The following OSBPL8 variants were observed in gnomAD, a reference collection of about 807,000 sequenced individuals.
OSBPL8 encodes oxysterol-binding protein-related protein 8.
In OSBPL8, 59 loss-of-function variants were observed where a neutral mutation model predicts 125.5. That is an observed-to-expected ratio of 0.47 (90% CI 0.38 to 0.58). The LOEUF (loss-of-function observed/expected upper bound fraction) is 0.58. Ranked by LOEUF, OSBPL8 falls within the 20% of genes least tolerant of loss-of-function variation. OSBPL8 has a pLI of 0.00. For missense variants in OSBPL8, 758 were observed against 1,047.8 expected, an observed-to-expected ratio of 0.72 and a Z score of 3.82; for synonymous variants, 330 against 338.9, an observed-to-expected ratio of 0.97 and a Z score of 0.29.
chr12:76,454,871 A>T (rs1453324962), intron 3 of OSBPL8, among the ~76,000 whole-genome samples: 1 of 152,096 alleles, frequency 6.6e-6, no homozygotes, highest in South Asian at 2.1e-4. Flanking sequence ...AGACTTTTTA[A>T]AAAGCAAAGA....
chr12:76,416,794 C>T (rs1249948170), intron 4 of OSBPL8, among the ~76,000 whole-genome samples: 1 of 152,006 alleles, frequency 6.6e-6, no homozygotes, highest in Non-Finnish European at 1.5e-5. Context: ...TAATTGCTGA[C>T]TTACCTAGAT....
intron 5 of OSBPL8, among the ~76,000 whole-genome samples, chr12:76,404,632 A>G (rs1287077634): frequency 6.6e-5 from 10 of 152,186 alleles, no homozygotes; most frequent in Admixed American, 2.6e-4. Flanking sequence ...GACCTTTCTG[A>G]TGATCCACTT....
At chr12:76,483,708 CTT>C (rs1443207300) in intron 2 of OSBPL8, among the ~76,000 whole-genome samples, 3 of 96,254 alleles carry the variant, frequency 3.1e-5, no homozygotes, top group African/African-American at 8.1e-5. Flanking sequence ...GCATTTCACT[CTT>C]GTCACCCAGG....
intron 3 of OSBPL8, among the ~76,000 whole-genome samples, chr12:76,451,191 T>C (rs1434993953): frequency 1.3e-5 from 2 of 152,166 alleles, no homozygotes; most frequent in East Asian, 3.9e-4. Context: ...ACAGGTATGT[T>C]TGAGTCAAAT....
intron 22 of OSBPL8, among the ~76,000 whole-genome samples, chr12:76,358,267 T>C (rs1194400265): frequency 2.1e-5 from 3 of 144,896 alleles, no homozygotes; most frequent in South Asian, 2.4e-4. Context: ...GCATCTTCCA[T>C]CTCCGGGGTT....
chr12:76,442,005 GATT>G (rs931740173), intron 4 of OSBPL8, among the ~76,000 whole-genome samples: 1 of 152,100 alleles, frequency 6.6e-6, no homozygotes, highest in Non-Finnish European at 1.5e-5. Flanking sequence ...TCCATGATGT[GATT>G]ATTAGGCATT....
intron 3 of OSBPL8, among the ~76,000 whole-genome samples, chr12:76,458,214 C>T (rs1183785095): frequency 6.6e-6 from 1 of 152,106 alleles, no homozygotes; most frequent in African/African-American, 2.4e-5. Context: ...GTTGTGGCTG[C>T]AGTAAGCTGT....
intron 3 of OSBPL8, among the ~76,000 whole-genome samples, chr12:76,452,545 C>G (rs1246281655): frequency 6.6e-6 from 1 of 152,190 alleles, no homozygotes; most frequent in African/African-American, 2.4e-5. Flanking sequence ...CACTACTCCC[C>G]TCCCACTACT....
At chr12:76,388,560 T>C (rs1953420213) in intron 12 of OSBPL8, among the ~76,000 whole-genome samples, 1 of 152,204 alleles carries the variant, frequency 6.6e-6, no homozygotes, top group Admixed American at 6.5e-5. Flanking sequence ...AGAACGAGGA[T>C]ATAAAAGCTT....
At chr12:76,462,873 A>C (rs181527493) in intron 2 of OSBPL8, among the ~76,000 whole-genome samples, 114 of 152,310 alleles carry the variant, frequency 7.5e-4, no homozygotes, top group Non-Finnish European at 1.3e-4. Flanking sequence ...TGGAATGTTT[A>C]TGGAAGAGCA....
At chr12:76,442,924 G>T (rs1342398108) in intron 4 of OSBPL8, among the ~76,000 whole-genome samples, 1 of 152,142 alleles carries the variant, frequency 6.6e-6, no homozygotes, top group African/African-American at 2.4e-5. Flanking sequence ...TTGTATGAAA[G>T]AAAATCTCCT....
At chr12:76,358,898 A>G (rs1029872320) in intron 21 of OSBPL8, 87 bp from the exon 22 acceptor site, 1 of 906,478 alleles carries the variant, frequency 1.1e-6, no homozygotes, top group Non-Finnish European at 1.8e-6. Context: ...TTATCTGCAC[A>G]TAGGCATGAT....
At chr12:76,544,519 A>G (rs767788277) in intron 1 of OSBPL8, among the ~76,000 whole-genome samples, 5 of 152,208 alleles carry the variant, frequency 3.3e-5, no homozygotes, top group Non-Finnish European at 7.4e-5. Flanking sequence ...AGAGAAACAC[A>G]TAAGTTCTAG....
intron 9 of OSBPL8, among the ~76,000 whole-genome samples, chr12:76,393,406 T>C (rs1184742183): frequency 6.6e-6 from 1 of 152,070 alleles, no homozygotes; most frequent in Non-Finnish European, 1.5e-5. Flanking sequence ...CTCATACCTA[T>C]ATTTTAATTT....
rs59101769 is a variant in OSBPL8, at chr12:76,540,487, CGTGTGTGTGTGTGTGTGT to C, written c.-68+18892_-68+18909del. On this transcript the variant is annotated intron_variant, in intron 1 of 23. Coordinates refer to ENST00000261183, the MANE Select transcript of OSBPL8 (RefSeq NM_020841.5). Reference sequence around the variant, plus strand: ...TCTGTTTTTAAAAAAATTATATAGTCGTGTGTGTGTGTGTGTGTGTGTGTGTGTGTGTGTGTGTGTACA... The same window carrying C: ...TCTGTTTTTAAAAAAATTATATAGTCGTGTGTGTGTGTGTGTGTGTGTACA... Among the ~76,000 whole-genome samples the C allele has an allele frequency of 9.2e-5, 13 of 141,742 alleles. No homozygotes were observed. In the South Asian group the frequency reaches 1.6e-3, roughly 18 times the overall value. The allele number at this position is 141,742 out of a possible 152,430, so 93.0% of individuals were successfully genotyped here. A position where few individuals can be genotyped will look rare whatever the true frequency, so the allele number is the denominator to read the frequency against.
intron 15 of OSBPL8, among the ~76,000 whole-genome samples, chr12:76,380,528 C>CAAAA (rs3038514): frequency 0.37 from 32,432 of 87,952 alleles, 3,848 homozygotes; most frequent in East Asian, 0.63. Flanking sequence ...GACACTGTCC[C>CAAAA]AAAAAAAAAA....
At chr12:76,525,010 G>A (rs1013958427) in intron 1 of OSBPL8, among the ~76,000 whole-genome samples, 3 of 152,116 alleles carry the variant, frequency 2.0e-5, no homozygotes, top group Non-Finnish European at 2.9e-5. Flanking sequence ...ATGACACACG[G>A]TGATCAATTT....
chr12:76,470,239 G>A (rs1174555836), intron 2 of OSBPL8, among the ~76,000 whole-genome samples: 1 of 152,120 alleles, frequency 6.6e-6, no homozygotes, highest in African/African-American at 2.4e-5. Context: ...CTGTGGTTAG[G>A]AAACCAGAAA....
chr12:76,430,912 A>G (rs1223706781), intron 4 of OSBPL8, among the ~76,000 whole-genome samples: 1 of 152,216 alleles, frequency 6.6e-6, no homozygotes, highest in Non-Finnish European at 1.5e-5. Context: ...AAACAACAAC[A>G]TAAAAGCATA....
Sources: gnomAD v4.1 joint callset for allele counts (sites outside exome capture counted in the v4.1 genomes callset) on GRCh38, gnomAD v4.1.1 for gene constraint, MANE v1.5 for transcripts, NCBI Gene and HGNC (gene_info 2026-07-23, HGNC 2026-07-21) for gene names.